EIF2AK1: variants seen among roughly 807,000 people sequenced by gnomAD.
The protein encoded by EIF2AK1 is eukaryotic translation initiation factor 2-alpha kinase 1.
Under a neutral mutation model 77.9 loss-of-function variants are expected in EIF2AK1, and 54 were observed. The observed-to-expected ratio is 0.69, with a 90% CI of 0.56 to 0.87. EIF2AK1 has a LOEUF of 0.87. EIF2AK1 is among the 40% of genes least tolerant of loss of function. The pLI, the probability that EIF2AK1 is intolerant of heterozygous loss-of-function variation, is 0.00. For synonymous variants in EIF2AK1, 314 were observed against 290.5 expected (o/e 1.08, Z -0.82); for missense variants, 810 against 768.6 (o/e 1.05, Z -0.64).
intron 6 of EIF2AK1, among the ~76,000 whole-genome samples, chr7:6,044,956 C>T (rs886749908): frequency 1.1e-4 from 16 of 151,970 alleles, no homozygotes; most frequent in Non-Finnish European, 2.4e-4. Context: ...CTATAATGTT[C>T]GGTAGGTTAT....
Position 6,024,311 on chromosome 7 carries a change from G to C in EIF2AK1, c.*362C>G. ...CAGCTGTCAAAACTGGAACAGTCCA[G>C]TGAGTATGTGCAGGCCCGGGCTTGG... On this transcript the variant is annotated 3_prime_UTR_variant, in exon 15 of 15. Coordinates refer to ENST00000199389, the MANE Select transcript of EIF2AK1 (RefSeq NM_014413.4). 1 of 1,218,774 alleles carries C rather than the reference G, an allele frequency of 8.2e-7. No homozygotes were observed. Among genetic ancestry groups the C allele is most frequent in the Non-Finnish European group, 1.0e-6 (1 of 962,986 alleles). The allele number at this position is 1,218,774 out of a possible 1,614,324, so 75.5% of individuals were successfully genotyped here.
intron 4 of EIF2AK1, chr7:6,048,059 T>C (rs1162542574): frequency 6.6e-6 from 1 of 152,190 alleles, no homozygotes; most frequent in Non-Finnish European, 1.5e-5. Context: ...CCAATTAGAT[T>C]TTTATTTTAA....
intron 11 of EIF2AK1, chr7:6,031,348 T>G: frequency 6.5e-7 from 1 of 1,539,594 alleles, no homozygotes; most frequent in Non-Finnish European, 8.8e-7. Context: ...CATAACAACA[T>G]TTTCCCCTGA....
intron 4 of EIF2AK1, 133 bp from the exon 5 acceptor site, chr7:6,047,224 G>T (rs778884670): frequency 1.0e-6 from 1 of 964,136 alleles, no homozygotes; most frequent in Non-Finnish European, 1.6e-6. Flanking sequence ...GGAAAGGATG[G>T]GCTAAAATGA....
intron 6 of EIF2AK1, 142 bp from the exon 7 acceptor site, chr7:6,044,803 A>AT (rs1788399489): frequency 1.5e-6 from 1 of 683,732 alleles, no homozygotes; most frequent in African/African-American, 1.8e-5. Flanking sequence ...CATACTTTGA[A>AT]TTTTGATCTT....
intron 1 of EIF2AK1, chr7:6,058,106 A>C (rs1788840790): frequency 4.4e-6 from 2 of 455,686 alleles, no homozygotes; most frequent in African/African-American, 4.0e-5. Context: ...CCTAGTAAAC[A>C]AAAGCCTCAA....
chr7:6,048,683 G>C, intron 4 of EIF2AK1, 124 bp downstream of exon 4: 4 of 791,908 alleles, frequency 5.1e-6, no homozygotes, highest in Admixed American at 6.6e-5. Context: ...TAATTGCTGA[G>C]AACAAAGTTT....
chr7:6,038,752 C>G, intron 9 of EIF2AK1, 81 bp from the exon 10 acceptor site: 1 of 1,195,500 alleles, frequency 8.4e-7, no homozygotes, highest in Non-Finnish European at 1.2e-6. Context: ...ATTAATCTGC[C>G]TATTCTGGGC....
At position 6,054,537 on chromosome 7, in the gene EIF2AK1, C is replaced by T. The variant is rs758929683; in HGVS notation, c.277+9G>A. 1 of 1,613,572 alleles carries T rather than the reference C, an allele frequency of 6.2e-7. No homozygotes were observed. The highest frequency in any genetic ancestry group is 8.5e-7 in the Non-Finnish European group (1 of 1,179,624). ...CTTTATTTAGCAAGATTCATTTATT[C>T]TTACTTACGCTTAAACACCTGTCTT... On this transcript the variant is annotated intron_variant, in intron 2 of 14. Transcript: ENST00000199389.
rs367624127 is a variant in EIF2AK1 at position 6,044,596 on chromosome 7, C to A, written c.696G>T (p.Ala232=). The change falls in exon 7 of 15, where the codon GCG becomes GCT. Residue 232 remains alanine (A), a synonymous_variant. Transcript: ENST00000199389. ...GAATCACATGAACATGTTCTATCCA[C>A]GCGGTGTGATAGCCAACAATATTGG... is the stretch of plus-strand genomic sequence containing the variant. ...QHPNIVGYHT[A]WIEHVHVIQP... The A allele has an allele frequency of 1.9e-6, 3 of 1,613,976 alleles. No homozygotes were observed. Among genetic ancestry groups the A allele is most frequent in the Non-Finnish European group, 1.7e-6 (2 of 1,180,006 alleles).
At chr7:6,056,613 A>AATATATATATATATATAC (rs1554324696) in intron 1 of EIF2AK1, among the ~76,000 whole-genome samples, 3 of 43,730 alleles carry the variant, frequency 6.9e-5, no homozygotes, top group Admixed American at 2.4e-4. Context: ...AAAAAAAAAA[A>AATATATATATATATATAC]ATATATATAT....
At chr7:6,031,562 T>A (rs1245914166) in intron 11 of EIF2AK1, 4 of 1,550,532 alleles carry the variant, frequency 2.6e-6, no homozygotes, top group Non-Finnish European at 3.5e-6. Context: ...TCTGCCCAAC[T>A]CCGCCAGCAA....
chr7:6,051,252 T>C (rs1788600041), intron 2 of EIF2AK1, among the ~76,000 whole-genome samples: 2 of 151,378 alleles, frequency 1.3e-5, no homozygotes, highest in South Asian at 4.2e-4. Context: ...CAGATACCAA[T>C]GAGGACATTT....
At chr7:6,049,097 T>A (rs1788526244) in intron 3 of EIF2AK1, among the ~76,000 whole-genome samples, 1 of 151,942 alleles carries the variant, frequency 6.6e-6, no homozygotes, top group Admixed American at 6.6e-5. Flanking sequence ...CCTGCCCACC[T>A]CTCTCGCGTG....
intron 7 of EIF2AK1, 133 bp downstream of exon 7, chr7:6,044,429 C>A: frequency 1.5e-6 from 1 of 686,158 alleles, no homozygotes; most frequent in Non-Finnish European, 2.4e-6. Context: ...CAGAGTGAGA[C>A]TCCGTCTCAA....
rs1369021537 is a variant in EIF2AK1 at position 6,035,945 on chromosome 7, C to T, written c.1332+1479G>A. ...TACTCACTCACGGAGCCAAAGTCAA[C>T]GCCCAGGACTACAAGGGCCAAACAG... On this transcript the variant is annotated intron_variant, in intron 11 of 14. Transcript: ENST00000199389. This position sits in a 1 kb window ranked among gnomAD's most constrained non-coding sequence, Gnocchi z 5.5. 43 of 1,547,848 alleles carry T rather than the reference C, an allele frequency of 2.8e-5. No homozygotes were observed. Among genetic ancestry groups the T allele is most frequent in the Middle Eastern group, 3.3e-4 (2 of 5,976 alleles).
At chr7:6,026,173 G>T (rs10263017) in intron 14 of EIF2AK1, among the ~76,000 whole-genome samples, 3 of 151,726 alleles carry the variant, frequency 2.0e-5, no homozygotes, top group Non-Finnish European at 2.9e-5. Flanking sequence ...ATGTACAACT[G>T]GAAATTCCCA....
Position 6,031,245 on chromosome 7 carries a change from T to C in EIF2AK1, c.1333-2213A>G, listed in dbSNP as rs770194869. 19 of 844,454 alleles carry C rather than the reference T, an allele frequency of 2.2e-5. No homozygotes were observed. The South Asian group carries it at 2.3e-4, about 10-fold the overall frequency. The allele number at this position is 844,454 out of a possible 1,614,324, so 52.3% of individuals were successfully genotyped here. On this transcript the variant is annotated intron_variant, in intron 11 of 14. Coordinates refer to ENST00000199389, the MANE Select transcript of EIF2AK1 (RefSeq NM_014413.4). ...GGACGCTTGGTTCCAAACTGATGGA[T>C]TGCCTTCACAGATCCAATTCTCGAC...
Position 6,023,194 on chromosome 7 carries a change from T to A in EIF2AK1, c.*1479A>T, listed in dbSNP as rs1297286318. On this transcript the variant is annotated 3_prime_UTR_variant, in exon 15 of 15. Transcript: ENST00000199389. ...TGATGTTCTTCTTGAAAACACCCTTTCCCATGTCATCAGTCTGTGGTGTTT... is the reference window on the plus strand; with the variant it reads ...TGATGTTCTTCTTGAAAACACCCTTACCCATGTCATCAGTCTGTGGTGTTT... The A allele has an allele frequency of 7.7e-7, 1 of 1,292,694 alleles. No homozygotes were observed. The highest frequency in any genetic ancestry group is 1.5e-5 in the African/African-American group (1 of 67,388). The allele number at this position is 1,292,694 out of a possible 1,614,324, so 80.1% of individuals were successfully genotyped here. A position where few individuals can be genotyped will look rare whatever the true frequency, so the allele number is the denominator to read the frequency against.
Sources: gnomAD v4.1 joint callset for allele counts (sites outside exome capture counted in the v4.1 genomes callset) on GRCh38, gnomAD v4.1.1 for gene constraint, Gnocchi (gnomAD v3.1) non-coding constraint, MANE v1.5 for transcripts, NCBI Gene and HGNC (gene_info 2026-07-23, HGNC 2026-07-21) for gene names.